Variants in XKR4 observed in about 807,000 individuals in gnomAD.
XKR4 encodes the protein XK-related protein 4.
In XKR4, 12 loss-of-function variants were observed where a neutral mutation model predicts 53.9. That is an observed-to-expected ratio of 0.22 (90% confidence interval 0.14 to 0.36). The LOEUF (loss-of-function observed/expected upper bound fraction) is 0.36. XKR4 is among the 10% of genes least tolerant of loss of function. The probability of loss-of-function intolerance (pLI) is 1.00; values close to 1 mark genes in which losing one functional copy is unlikely to be tolerated. For synonymous variants in XKR4, 354 were observed against 362.4 expected, an observed-to-expected ratio of 0.98 and a Z score of 0.26; for missense variants, 799 against 859.5, an observed-to-expected ratio of 0.93 and a Z score of 0.88.
chr8:55,307,351 A>T (rs1486003833), intron 1 of XKR4, among the ~76,000 whole-genome samples: 1 of 152,214 alleles, frequency 6.6e-6, no homozygotes, highest in Non-Finnish European at 1.5e-5. Flanking sequence ...ACATTTTACT[A>T]AACAGCATAT....
chr8:55,159,115 G>A (rs1042011960), intron 1 of XKR4, among the ~76,000 whole-genome samples: 1 of 152,078 alleles, frequency 6.6e-6, no homozygotes, highest in African/African-American at 2.4e-5. Flanking sequence ...CATGAGTATG[G>A]CATGTTTTCC....
At chr8:55,451,980 G>A (rs1805455279) in intron 2 of XKR4, 2 of 775,018 alleles carry the variant, frequency 2.6e-6, no homozygotes, top group Admixed American at 1.7e-5. Context: ...CTTCTTGCGA[G>A]TGACATGCTG....
At position 55,334,071 on chromosome 8, in the gene XKR4, C is replaced by T. The variant is rs182648184; in HGVS notation, c.807-23607C>T. ...GTACCATGTTTCTGACATCACTATA[C>T]AATTTTAATAGAGAAAAATGAAAGA... On this transcript the variant is annotated intron_variant, in intron 1 of 2. Coordinates refer to ENST00000327381, the MANE Select transcript of XKR4 (RefSeq NM_052898.2). 2.9e-3 allele frequency among the ~76,000 whole-genome samples: 447 copies of T among 152,106 alleles called. 3 individuals carry two copies. The highest frequency in any genetic ancestry group is 5.0e-3 in the Non-Finnish European group (343 of 67,984).
At chr8:55,422,284 T>C (rs565764470) in intron 2 of XKR4, among the ~76,000 whole-genome samples, 2 of 152,332 alleles carry the variant, frequency 1.3e-5, no homozygotes, top group Non-Finnish European at 2.9e-5. Flanking sequence ...TTACTTCCAA[T>C]GCATCACAAT....
intron 1 of XKR4, among the ~76,000 whole-genome samples, chr8:55,298,108 C>A (rs1819126091): frequency 6.6e-6 from 1 of 152,018 alleles, no homozygotes; most frequent in African/African-American, 2.4e-5. Context: ...ATTTCTACAA[C>A]ACCTTTTAAT....
At chr8:55,415,627 C>T (rs778292334) in intron 2 of XKR4, among the ~76,000 whole-genome samples, 6 of 152,180 alleles carry the variant, frequency 3.9e-5, no homozygotes, top group African/African-American at 7.2e-5. Context: ...TAAACTCCTT[C>T]GAAGCCACTG....
intron 1 of XKR4, among the ~76,000 whole-genome samples, chr8:55,321,970 AGAGC>A (rs1803222910): frequency 6.7e-6 from 1 of 149,190 alleles, no homozygotes; most frequent in Non-Finnish European, 1.5e-5. Context: ...GCCTGGTGAC[AGAGC>A]GAGACTCCAT....
chr8:55,156,662 T>C (rs986344011), intron 1 of XKR4, among the ~76,000 whole-genome samples: 10 of 152,120 alleles, frequency 6.6e-5, no homozygotes, highest in Non-Finnish European at 1.0e-4. Flanking sequence ...TTGTTTTTTT[T>C]CCCCCATTGT....
intron 2 of XKR4, among the ~76,000 whole-genome samples, chr8:55,437,281 C>T (rs1390882518): frequency 1.3e-5 from 2 of 152,034 alleles, no homozygotes; most frequent in Non-Finnish European, 2.9e-5. Context: ...CATCTATGTT[C>T]CTTGGCCTCA....
At chr8:55,413,063 G>A (rs1804798449) in intron 2 of XKR4, among the ~76,000 whole-genome samples, 1 of 152,192 alleles carries the variant, frequency 6.6e-6, no homozygotes, top group Non-Finnish European at 1.5e-5. Flanking sequence ...ACCCTGAGTA[G>A]TTTTATTGAC....
chr8:55,255,556 A>C (rs1050386084), intron 1 of XKR4, among the ~76,000 whole-genome samples: 4 of 152,176 alleles, frequency 2.6e-5, no homozygotes, highest in African/African-American at 9.7e-5. Context: ...CTTAGGCATA[A>C]AGAAAGTGAT....
chr8:55,183,921 T>C (rs1322768867), intron 1 of XKR4, among the ~76,000 whole-genome samples: 1 of 152,174 alleles, frequency 6.6e-6, no homozygotes, highest in African/African-American at 2.4e-5. Context: ...CTCTATTAGG[T>C]GTGTACACAT....
chr8:55,126,373 G>A (rs1000470431), intron 1 of XKR4, among the ~76,000 whole-genome samples: 1 of 152,352 alleles, frequency 6.6e-6, no homozygotes, highest in Non-Finnish European at 1.5e-5. Context: ...GCTGCTGGAA[G>A]TAAAGTCTCC....
chr8:55,305,878 T>A (rs1208514239), intron 1 of XKR4, among the ~76,000 whole-genome samples: 1 of 152,176 alleles, frequency 6.6e-6, no homozygotes, highest in Non-Finnish European at 1.5e-5. Context: ...CTACCCCCAA[T>A]TAGATATCAA....
At chr8:55,397,628 C>A (rs556447211) in intron 2 of XKR4, among the ~76,000 whole-genome samples, 1 of 151,806 alleles carries the variant, frequency 6.6e-6, no homozygotes, top group African/African-American at 2.4e-5. Flanking sequence ...CTGCACCCCA[C>A]CACACATGCA....
At chr8:55,387,712 C>T (rs573998632) in intron 2 of XKR4, among the ~76,000 whole-genome samples, 2 of 152,304 alleles carry the variant, frequency 1.3e-5, no homozygotes, top group East Asian at 3.9e-4. Context: ...AAGTGGGAGA[C>T]TGGTGGGAGA....
intron 2 of XKR4, among the ~76,000 whole-genome samples, chr8:55,475,215 G>A (rs1367125164): frequency 6.6e-6 from 1 of 152,054 alleles, no homozygotes; most frequent in African/African-American, 2.4e-5. Context: ...AATGTGAAAT[G>A]GCACCCAGAT....
intron 2 of XKR4, among the ~76,000 whole-genome samples, chr8:55,476,155 A>G (rs914528137): frequency 6.6e-6 from 1 of 152,100 alleles, no homozygotes; most frequent in Non-Finnish European, 1.5e-5. Context: ...GAGCCTCAGA[A>G]AGTACATTTT....
At chr8:55,305,646 T>G (rs1171175090) in intron 1 of XKR4, among the ~76,000 whole-genome samples, 1 of 152,160 alleles carries the variant, frequency 6.6e-6, no homozygotes, top group Non-Finnish European at 1.5e-5. Context: ...ATTTGACATA[T>G]TTTATAAAAT....
Sources: gnomAD v4.1 joint callset for allele counts (sites outside exome capture counted in the v4.1 genomes callset) on GRCh38, gnomAD v4.1.1 for gene constraint, MANE v1.5 for transcripts, NCBI Gene and HGNC (gene_info 2026-07-23, HGNC 2026-07-21) for gene names.